Variants in UVRAG observed in about 807,000 individuals in gnomAD.
UVRAG encodes the protein UV radiation resistance associated.
A neutral mutation model predicts 78.0 loss-of-function variants in UVRAG; 19 were observed. The ratio of observed to expected loss-of-function variants is 0.24; its 90% CI spans 0.17 to 0.36. The LOEUF (loss-of-function observed/expected upper bound fraction) is 0.36. UVRAG is among the 10% of genes least tolerant of loss of function. The pLI is 1.00. For synonymous variants in UVRAG, 323 were observed against 324.6 expected (o/e 1.00, Z 0.05); for missense variants, 740 against 853.8 (o/e 0.87, Z 1.66).
intron 1 of UVRAG, among the ~76,000 whole-genome samples, chr11:75,846,469 C>T (rs183305546): frequency 1.3e-5 from 2 of 152,184 alleles, no homozygotes; most frequent in African/African-American, 4.8e-5. Context: ...CCTCACAAAC[C>T]CAAGATCACC....
chr11:75,870,174 A>G (rs1946620786), intron 3 of UVRAG, among the ~76,000 whole-genome samples: 1 of 152,208 alleles, frequency 6.6e-6, no homozygotes, highest in Non-Finnish European at 1.5e-5. Context: ...GAATGTACCA[A>G]CTTAGGAATT....
chr11:75,937,469 T>A (rs2135126352), intron 6 of UVRAG, among the ~76,000 whole-genome samples: 1 of 152,366 alleles, frequency 6.6e-6, no homozygotes, highest in Admixed American at 6.5e-5. Context: ...TCAGTATGTC[T>A]GAAAACATCT....
intron 7 of UVRAG, chr11:75,979,404 G>C (rs1339739773): frequency 1.3e-5 from 2 of 152,424 alleles, no homozygotes; most frequent in African/African-American, 4.8e-5. Context: ...CTTCAAAGCT[G>C]ACAGACAGGG....
At position 76,002,227 on chromosome 11, in the gene UVRAG, G is replaced by A. The variant is rs77436883; in HGVS notation, c.827-1778G>A. Among the ~76,000 whole-genome samples the A allele has an allele frequency of 7.1e-3, 1,087 of 152,196 alleles. 12 individuals are homozygous for A. The highest frequency in any genetic ancestry group is 0.025 in the African/African-American group (1,033 of 41,512). ...TCAAATACTTAGTTCTTCTCTATCT[G>A]AGCCTAAATAACCCAAACTGCTTCA... On this transcript the variant is annotated intron_variant, in intron 8 of 14. Coordinates refer to ENST00000356136, the MANE Select transcript of UVRAG (RefSeq NM_003369.4).
intron 6 of UVRAG, among the ~76,000 whole-genome samples, chr11:75,938,234 A>T (rs180734569): frequency 6.6e-6 from 1 of 151,998 alleles, no homozygotes; most frequent in Non-Finnish European, 1.5e-5. Context: ...CAATGTCACT[A>T]TATGTTCAGT....
At chr11:75,826,944 A>G (rs1306809748) in intron 1 of UVRAG, among the ~76,000 whole-genome samples, 1 of 152,134 alleles carries the variant, frequency 6.6e-6, no homozygotes, top group Non-Finnish European at 1.5e-5. Flanking sequence ...GAGCATCAGA[A>G]CTTACCACTT....
Position 75,976,220 on chromosome 11 carries a change from C to G in UVRAG, c.700-7167C>G, listed in dbSNP as rs577195284. On this transcript the variant is annotated intron_variant, in intron 7 of 14. Coordinates refer to ENST00000356136, the MANE Select transcript of UVRAG (RefSeq NM_003369.4). ...CCTTGCATCCCAGGGATGAAGCCCA[C>G]TTGATCATGGTGGATAAGCTCTTTG... Among the ~76,000 whole-genome samples, 84 of 152,286 alleles carry G rather than the reference C, an allele frequency of 5.5e-4. 1 individual carries two copies. The highest frequency in any genetic ancestry group is 2.4e-4 in the African/African-American group (10 of 41,578).
At chr11:75,901,886 T>C (rs183304110) in intron 5 of UVRAG, among the ~76,000 whole-genome samples, 1 of 151,856 alleles carries the variant, frequency 6.6e-6, no homozygotes, top group East Asian at 1.9e-4. Context: ...TTCTGTGATA[T>C]ACCTCTTAAG....
intron 5 of UVRAG, among the ~76,000 whole-genome samples, chr11:75,889,639 G>A (rs983553870): frequency 6.6e-6 from 1 of 152,136 alleles, no homozygotes; most frequent in African/African-American, 2.4e-5. Context: ...ATAGCTCTTG[G>A]TTGTCTGAAA....
chr11:75,856,013 G>A (rs1050093340), intron 2 of UVRAG, among the ~76,000 whole-genome samples: 4 of 151,480 alleles, frequency 2.6e-5, no homozygotes, highest in East Asian at 1.9e-4. Flanking sequence ...TTTTTGAGAC[G>A]GAGTCTCACT....
At chr11:76,051,568 A>G (rs1950868886) in intron 12 of UVRAG, among the ~76,000 whole-genome samples, 2 of 152,188 alleles carry the variant, frequency 1.3e-5, no homozygotes, top group South Asian at 2.1e-4. Flanking sequence ...AGTAAAAAAA[A>G]GGAGGGGGGA....
intron 12 of UVRAG, among the ~76,000 whole-genome samples, chr11:76,035,546 T>G (rs1334872151): frequency 6.6e-6 from 1 of 152,062 alleles, no homozygotes; most frequent in Admixed American, 6.6e-5. Flanking sequence ...AAATCAAGAG[T>G]CACAGTCTCA....
chr11:75,864,209 C>T (rs1351435455), intron 3 of UVRAG, among the ~76,000 whole-genome samples: 1 of 152,052 alleles, frequency 6.6e-6, no homozygotes, highest in African/African-American at 2.4e-5. Context: ...GCATGAACCA[C>T]CATGCCTGAC....
chr11:76,135,757 C>T (rs572335483), intron 14 of UVRAG, among the ~76,000 whole-genome samples: 5 of 152,162 alleles, frequency 3.3e-5, no homozygotes, highest in Non-Finnish European at 5.9e-5. Flanking sequence ...CTGGTAGACT[C>T]GGTCCAGTTG....
At chr11:75,872,110 G>C (rs1330550519) in intron 3 of UVRAG, among the ~76,000 whole-genome samples, 1 of 152,180 alleles carries the variant, frequency 6.6e-6, no homozygotes, top group Non-Finnish European at 1.5e-5. Flanking sequence ...TCAAGGATAA[G>C]TGGAGTTGGT....
chr11:76,077,612 C>G (rs939721816), intron 13 of UVRAG, among the ~76,000 whole-genome samples: 1 of 152,116 alleles, frequency 6.6e-6, no homozygotes, highest in Non-Finnish European at 1.5e-5. Context: ...TTGCAGAAAC[C>G]CTTAAAGTGT....
intron 8 of UVRAG, among the ~76,000 whole-genome samples, chr11:75,991,474 A>G (rs1949605195): frequency 6.6e-6 from 1 of 152,188 alleles, no homozygotes; most frequent in South Asian, 2.1e-4. Context: ...TACTATAAAT[A>G]TGTAATATTG....
At chr11:76,079,529 T>C (rs543052442) in intron 13 of UVRAG, among the ~76,000 whole-genome samples, 3 of 151,998 alleles carry the variant, frequency 2.0e-5, no homozygotes, top group Non-Finnish European at 4.4e-5. Context: ...ACAAATAGTA[T>C]GCTTATATAT....
At chr11:75,990,400 G>A (rs561459809) in intron 8 of UVRAG, among the ~76,000 whole-genome samples, 5 of 152,262 alleles carry the variant, frequency 3.3e-5, no homozygotes, top group Admixed American at 6.5e-5. Context: ...CACATTTTGT[G>A]TAGCAAGAAT....
Sources: gnomAD v4.1 joint callset for allele counts (sites outside exome capture counted in the v4.1 genomes callset) on GRCh38, gnomAD v4.1.1 for gene constraint, MANE v1.5 for transcripts, NCBI Gene and HGNC (gene_info 2026-07-23, HGNC 2026-07-21) for gene names.